The following KCNH1 variants were observed in gnomAD, a reference collection of about 807,000 sequenced individuals.
KCNH1 encodes voltage-gated delayed rectifier potassium channel KCNH1.
Under a neutral mutation model 69.2 loss-of-function variants are expected in KCNH1, and 27 were observed. That is an observed-to-expected ratio of 0.39 (90% CI 0.29 to 0.54). The LOEUF (loss-of-function observed/expected upper bound fraction) is 0.54, where lower values mean the gene tolerates loss of function less well. Among genes scored for constraint, KCNH1 ranks in the 20% least tolerant of loss-of-function variants. KCNH1 has a pLI of 0.68. For missense variants in KCNH1, 798 were observed against 1,261.6 expected, an observed-to-expected ratio of 0.63 and a Z score of 5.57; for synonymous variants, 456 against 487.7, an observed-to-expected ratio of 0.93 and a Z score of 0.86.
chr1:210,901,021 C>T (rs914400062), intron 7 of KCNH1, among the ~76,000 whole-genome samples: 3 of 152,156 alleles, frequency 2.0e-5, no homozygotes, highest in Admixed American at 6.5e-5. Context: ...ACAGATGCTA[C>T]ATGCCAACGG....
rs182672803 is a variant in KCNH1 at position 210,851,627 on chromosome 1, C to A, written c.1463-47461G>T. Among the ~76,000 whole-genome samples the A allele has an allele frequency of 2.2e-3, 333 of 152,308 alleles. 1 individual carries two copies. Among genetic ancestry groups the A allele is most frequent in the Non-Finnish European group, 3.4e-3 (233 of 68,016 alleles). ...TTAGGTGATCCCATCCTTGTGTGAG[C>A]ATCATAGAGTATACTCATATGAACC... On this transcript the variant is annotated intron_variant, in intron 7 of 10. Coordinates refer to ENST00000271751, the MANE Select transcript of KCNH1 (RefSeq NM_172362.3).
rs528910917 is a variant in KCNH1 at position 210,717,929 on chromosome 1, A to G, written c.2113-33791T>C. Among the ~76,000 whole-genome samples the G allele has an allele frequency of 1.7e-4, 26 of 152,238 alleles. 1 individual carries two copies. The South Asian group carries it at 5.0e-3, about 29-fold the overall frequency. On this transcript the variant is annotated intron_variant, in intron 10 of 10. Transcript: ENST00000271751. ...GAGACCAGGCCTGGCCAACATAGTG[A>G]AACCCCATGTCTACTAAAAATATAA... is the stretch of plus-strand genomic sequence containing the variant.
chr1:210,750,657 G>T lies in KCNH1; in HGVS notation c.2112+24691C>A, dbSNP rs141019683. Among the ~76,000 whole-genome samples, 471 of 152,160 alleles carry T rather than the reference G, an allele frequency of 3.1e-3. 1 individual carries two copies. The highest frequency in any genetic ancestry group is 5.1e-3 in the Non-Finnish European group (350 of 68,020). On this transcript the variant is annotated intron_variant, in intron 10 of 10. Transcript: ENST00000271751. ...AGCTTTTTTGGCTGGGCCAGGATGGGATTACAGGGGAATCAAAAGATAAAG... is the reference window on the plus strand; with the variant it reads ...AGCTTTTTTGGCTGGGCCAGGATGGTATTACAGGGGAATCAAAAGATAAAG...
Position 211,032,884 on chromosome 1 carries a change from T to A in KCNH1, c.559-13628A>T, listed in dbSNP as rs143600908. 5.2e-3 allele frequency among the ~76,000 whole-genome samples: 786 copies of A among 152,236 alleles called. 7 individuals carry two copies. The highest frequency in any genetic ancestry group is 0.018 in the African/African-American group (754 of 41,542). ...CTTCACATCTAAACACCAAAAGCAA[T>A]GTCAACAAAAGCCAAAATTGACAAA... On this transcript the variant is annotated intron_variant, in intron 5 of 10. Coordinates refer to ENST00000271751, the MANE Select transcript of KCNH1 (RefSeq NM_172362.3).
chr1:211,027,178 G>A (rs907470716), intron 5 of KCNH1, among the ~76,000 whole-genome samples: 3 of 152,132 alleles, frequency 2.0e-5, no homozygotes, highest in Admixed American at 2.0e-4. Context: ...TCATAAAAGT[G>A]CTTTAACAAG....
At chr1:210,988,974 A>G (rs1479784149) in intron 6 of KCNH1, among the ~76,000 whole-genome samples, 1 of 152,218 alleles carries the variant, frequency 6.6e-6, no homozygotes, top group Non-Finnish European at 1.5e-5. Flanking sequence ...TTATAATAGG[A>G]TGAAAATAAT....
chr1:210,962,951 G>T (rs769248731), intron 6 of KCNH1, among the ~76,000 whole-genome samples: 1 of 150,806 alleles, frequency 6.6e-6, no homozygotes, highest in Non-Finnish European at 1.5e-5. Flanking sequence ...AGTCATTTGT[G>T]CTTCCTCTTC....
intron 10 of KCNH1, among the ~76,000 whole-genome samples, chr1:210,710,533 C>T (rs1197627420): frequency 6.6e-6 from 1 of 152,028 alleles, no homozygotes; most frequent in South Asian, 2.1e-4. Flanking sequence ...GTAACAATGG[C>T]TATGATATCA....
chr1:210,684,878 A>G (rs1681374314), intron 10 of KCNH1, among the ~76,000 whole-genome samples: 1 of 152,224 alleles, frequency 6.6e-6, no homozygotes, highest in Non-Finnish European at 1.5e-5. Flanking sequence ...TCCTTTTGAC[A>G]GCACTGTAAG....
Position 210,683,710 on chromosome 1 carries a change from A to G in KCNH1, c.2541T>C (p.Ser847=). ...CCTTGGACACCTTGTTCCAGTCCTC[A>G]CTCTTCCCGCAAGCATCTTTGAAGC... ...WARFKDACGK[S]EDWNKVSKAE... is the part of the protein sequence containing the mutation. The change falls in exon 11 of 11, where the codon AGT becomes AGC. Residue 847 remains serine, a synonymous_variant. Transcript: ENST00000271751. The surrounding 1 kb of genome is among the most constrained non-coding windows in gnomAD (Gnocchi z 5.7). The G allele has an allele frequency of 6.2e-7, 1 of 1,613,244 alleles. No individual in the cohort carries two copies. Among genetic ancestry groups the G allele is most frequent in the Non-Finnish European group, 8.5e-7 (1 of 1,179,830 alleles).
intron 7 of KCNH1, among the ~76,000 whole-genome samples, chr1:210,900,942 C>T (rs940157572): frequency 6.6e-6 from 1 of 152,034 alleles, no homozygotes; most frequent in Non-Finnish European, 1.5e-5. Context: ...ACACAGACAC[C>T]CCTCCCTCCA....
At chr1:211,008,211 C>T (rs1478847564) in intron 6 of KCNH1, among the ~76,000 whole-genome samples, 2 of 152,148 alleles carry the variant, frequency 1.3e-5, no homozygotes, top group Admixed American at 1.3e-4. Context: ...AATGAAATAT[C>T]ATTCATCCTT....
At chr1:210,834,047 C>G (rs1003220445) in intron 7 of KCNH1, among the ~76,000 whole-genome samples, 4 of 152,022 alleles carry the variant, frequency 2.6e-5, no homozygotes, top group East Asian at 1.9e-4. Flanking sequence ...AGCTGCTGGA[C>G]AGGATGTGGA....
At chr1:210,900,221 T>C (rs1303400575) in intron 7 of KCNH1, among the ~76,000 whole-genome samples, 1 of 152,160 alleles carries the variant, frequency 6.6e-6, no homozygotes, top group South Asian at 2.1e-4. Flanking sequence ...GGAAGGAAAG[T>C]AGTCTTGCTC....
At chr1:210,809,434 G>A (rs1474611455) in intron 7 of KCNH1, among the ~76,000 whole-genome samples, 3 of 152,124 alleles carry the variant, frequency 2.0e-5, no homozygotes, top group Admixed American at 2.0e-4. Flanking sequence ...AGAGGGAGAA[G>A]AATAAGACAA....
chr1:210,701,931 A>C (rs533794970), intron 10 of KCNH1, among the ~76,000 whole-genome samples: 1 of 152,316 alleles, frequency 6.6e-6, no homozygotes, highest in South Asian at 2.1e-4. Context: ...TCTTCAGGAA[A>C]AAACATGCCC....
chr1:211,075,312 T>C (rs1306590794), intron 5 of KCNH1, among the ~76,000 whole-genome samples: 1 of 152,258 alleles, frequency 6.6e-6, no homozygotes, highest in East Asian at 1.9e-4. Flanking sequence ...CAAAAGCTTC[T>C]GGTTACTACA....
chr1:210,753,160 T>A (rs770278252), intron 10 of KCNH1, among the ~76,000 whole-genome samples: 13 of 152,188 alleles, frequency 8.5e-5, no homozygotes, highest in Non-Finnish European at 1.8e-4. Flanking sequence ...AGCCACCAAA[T>A]TTATGATAAT....
At chr1:210,887,981 T>A (rs191387800) in intron 7 of KCNH1, among the ~76,000 whole-genome samples, 25 of 152,046 alleles carry the variant, frequency 1.6e-4, no homozygotes, top group African/African-American at 6.0e-4. Flanking sequence ...TAACACCCCA[T>A]TGTCAATATT....
Sources: gnomAD v4.1 joint callset for allele counts (sites outside exome capture counted in the v4.1 genomes callset) on GRCh38, gnomAD v4.1.1 for gene constraint, Gnocchi (gnomAD v3.1) non-coding constraint, MANE v1.5 for transcripts, NCBI Gene and HGNC (gene_info 2026-07-23, HGNC 2026-07-21) for gene names.